Variants in PCDHGA4 observed in about 807,000 individuals in gnomAD.
PCDHGA4 encodes the protein protocadherin gamma subfamily A, 4.
A neutral mutation model predicts 54.6 loss-of-function variants in PCDHGA4; 38 were observed. The observed-to-expected ratio is 0.70, with a 90% CI of 0.54 to 0.91. The LOEUF (loss-of-function observed/expected upper bound fraction) is 0.91, where lower values mean the gene tolerates loss of function less well. PCDHGA4 is among the 40% of genes least tolerant of loss of function. The pLI is 0.00. For missense variants in PCDHGA4, 1,298 were observed against 1,220.9 expected (o/e 1.06, Z -0.94); for synonymous variants, 511 against 512.9 (o/e 1.00, Z 0.05).
chr5:141,376,908 C>T, intron 1 of PCDHGA4: 1 of 187,054 alleles, frequency 5.3e-6, no homozygotes, highest in Non-Finnish European at 1.1e-5. Flanking sequence ...AGGATGGTCT[C>T]GATCTCCTGA....
At chr5:141,399,231 T>C in intron 1 of PCDHGA4, 1 of 1,613,942 alleles carries the variant, frequency 6.2e-7, no homozygotes, top group Non-Finnish European at 8.5e-7. Flanking sequence ...TCAAAATACA[T>C]GACCAAGATT....
chr5:141,405,187 GGTTCGAGCTT>G (rs2094622612), intron 1 of PCDHGA4: 1 of 1,613,360 alleles, frequency 6.2e-7, no homozygotes, highest in African/African-American at 1.3e-5. Context: ...GTGTAGATGG[GGTTCGAGCTT>G]TCCTACAGAC....
rs1424346887 is a variant in PCDHGA4, at chr5:141,489,602, T to C, written c.2515-5205T>C. ...CCCCTGGAGCTAATCCGTGTAGAGG[T>C]AGAGATCCTGGATCTCAATGACAAC... On this transcript the variant is annotated intron_variant, in intron 1 of 3. Coordinates refer to ENST00000571252, the MANE Select transcript of PCDHGA4 (RefSeq NM_018917.4). The surrounding 1 kb of genome is among the most constrained non-coding windows in gnomAD (Gnocchi z 4.5). The C allele has an allele frequency of 5.6e-6, 9 of 1,613,754 alleles. No homozygotes were observed. In the African/African-American group the frequency reaches 6.7e-5, roughly 12 times the overall value.
At chr5:141,503,802 G>A (rs2099831646) in intron 2 of PCDHGA4, among the ~76,000 whole-genome samples, 1 of 151,998 alleles carries the variant, frequency 6.6e-6, no homozygotes, top group South Asian at 2.1e-4. Context: ...CTTAGGGACG[G>A]GGAATCCCAG....
At chr5:141,497,839 A>G (rs1399696596) in intron 2 of PCDHGA4, among the ~76,000 whole-genome samples, 1 of 152,044 alleles carries the variant, frequency 6.6e-6, no homozygotes, top group East Asian at 1.9e-4. Flanking sequence ...CCCGGCCACA[A>G]CAAACATTTT....
At position 141,376,090 on chromosome 5, in the gene PCDHGA4, C is replaced by G. The variant is rs372887480; in HGVS notation, c.2514+18469C>G. ...CCGTGGCCGTGGCCGACAGGATCCC[C>G]GACATCCTGGCCGACCTGGGCAGCC... On this transcript the variant is annotated intron_variant, in intron 1 of 3. Coordinates refer to ENST00000571252, the MANE Select transcript of PCDHGA4 (RefSeq NM_018917.4). 107 of 1,613,674 alleles carry G rather than the reference C, an allele frequency of 6.6e-5. No homozygotes were observed. In the African/African-American group the frequency reaches 1.2e-3, roughly 18 times the overall value.
chr5:141,501,441 A>G (rs547792017), intron 2 of PCDHGA4, among the ~76,000 whole-genome samples: 1 of 151,898 alleles, frequency 6.6e-6, no homozygotes, highest in African/African-American at 2.4e-5. Context: ...CATTTCTTCC[A>G]TTTTTACTTT....
intron 1 of PCDHGA4, among the ~76,000 whole-genome samples, chr5:141,466,790 A>C (rs1240777427): frequency 2.0e-5 from 3 of 152,210 alleles, no homozygotes; most frequent in Non-Finnish European, 2.9e-5. Context: ...TTAGTGCCTC[A>C]AACTAGATCC....
In PCDHGA4 at chr5:141,402,956, G is replaced by A. The variant is rs1276206622; in HGVS notation, c.2514+45335G>A. Reference sequence around the variant, plus strand: ...AAAATTCCAAAGCGAGGCAGCAATGGCAGCTCCAACCAAATGCCAGCTCCG... The same window carrying A: ...AAAATTCCAAAGCGAGGCAGCAATGACAGCTCCAACCAAATGCCAGCTCCG... On this transcript the variant is annotated intron_variant, in intron 1 of 3. Coordinates refer to ENST00000571252, the MANE Select transcript of PCDHGA4 (RefSeq NM_018917.4). 1.2e-6 allele frequency: 2 copies of A among 1,601,842 alleles called. No individual in the cohort carries two copies. The highest frequency in any genetic ancestry group is 2.7e-5 in the African/African-American group (2 of 74,454).
chr5:141,485,735 G>C lies in PCDHGA4; in HGVS notation c.2515-9072G>C, dbSNP rs1562107417. ...ACTGGATGTGAAGAAGCGCAGCGAC[G>C]GCAGCCTGGTCCCAGAGCTGCTCCT... is the stretch of plus-strand genomic sequence containing the variant. On this transcript the variant is annotated intron_variant, in intron 1 of 3. Coordinates refer to ENST00000571252, the MANE Select transcript of PCDHGA4 (RefSeq NM_018917.4). This position sits in a 1 kb window ranked among gnomAD's most constrained non-coding sequence, Gnocchi z 5.7. 2.5e-6 allele frequency: 4 copies of C among 1,614,048 alleles called. No individual in the cohort carries two copies. The highest frequency in any genetic ancestry group is 3.4e-6 in the Non-Finnish European group (4 of 1,180,044).
rs1326296096 is a variant in PCDHGA4, at chr5:141,505,460, A to G, written c.2641A>G (p.Met881Val). The change falls in exon 3 of 4, where the codon ATG becomes GTG. Residue 881 changes from methionine to valine, a missense_variant. Transcript: ENST00000571252. Reference protein sequence around the residue: ...NQFDTEMLQAMILASASEAAD... With the variant: ...NQFDTEMLQAVILASASEAAD... ...GTTTGACACAGAGATGCTGCAAGCC[A>G]TGATCTTGGCGTCCGCCAGTGGTAA... 2 of 1,614,070 alleles carry G rather than the reference A, an allele frequency of 1.2e-6. No homozygotes were observed. The highest frequency in any genetic ancestry group is 1.3e-5 in the African/African-American group (1 of 74,942).
intron 1 of PCDHGA4, chr5:141,371,816 C>T: frequency 6.2e-7 from 1 of 1,613,888 alleles, no homozygotes; most frequent in Non-Finnish European, 8.5e-7. Context: ...TTGCGCATGT[C>T]AGAGCCTCGG....
In PCDHGA4 at chr5:141,388,074, C is replaced by T. The variant is rs770542956; in HGVS notation, c.2514+30453C>T. 1.6e-5 allele frequency: 22 copies of T among 1,363,892 alleles called. No homozygotes were observed. In the South Asian group the frequency reaches 2.8e-4, roughly 17 times the overall value. 84.5% of individuals were successfully genotyped at this position (1,363,892 alleles called of 1,614,324 possible). On this transcript the variant is annotated intron_variant, in intron 1 of 3. Transcript: ENST00000571252. ...GTTCAGCGTCCAGGAGTTACCGACT[C>T]GAAAACTGCGCGTCAGTTCGGAGAA...
intron 2 of PCDHGA4, among the ~76,000 whole-genome samples, chr5:141,495,834 C>T (rs1366861675): frequency 6.6e-6 from 1 of 152,198 alleles, no homozygotes; most frequent in African/African-American, 2.4e-5. Context: ...CTATCCCCAG[C>T]CTCTATGTTT....
chr5:141,357,752 T>C (rs1760725743), intron 1 of PCDHGA4, 131 bp downstream of exon 1: 3 of 1,127,116 alleles, frequency 2.7e-6, no homozygotes, highest in Non-Finnish European at 3.7e-6. Context: ...TAAAGAAAAC[T>C]GGTGGATGAC....
rs539038497 is a variant in PCDHGA4 at position 141,420,464 on chromosome 5, C to T, written c.2514+62843C>T. 2.0e-4 allele frequency: 164 copies of T among 801,490 alleles called. 1 individual carries two copies. In the South Asian group the frequency reaches 6.4e-3, roughly 31 times the overall value. 49.6% of individuals were successfully genotyped at this position (801,490 alleles called of 1,614,324 possible). ...CCTCAGTCTTCCTACTATTCAAAGA[C>T]ATTTTAAAGCAAACTACATGGGTAA... On this transcript the variant is annotated intron_variant, in intron 1 of 3. Transcript: ENST00000571252.
At chr5:141,364,538 G>A in intron 1 of PCDHGA4, 1 of 1,614,118 alleles carries the variant, frequency 6.2e-7, no homozygotes, top group South Asian at 1.1e-5. Flanking sequence ...CGTCTCCAGA[G>A]GTAGGACGCA....
intron 1 of PCDHGA4, chr5:141,382,975 G>C (rs1459980689): frequency 6.2e-7 from 1 of 1,610,700 alleles, no homozygotes; most frequent in Non-Finnish European, 8.5e-7. Context: ...CCCCTGGGAA[G>C]CCTGGGCAGG....
intron 1 of PCDHGA4, chr5:141,389,691 T>G: frequency 6.2e-7 from 1 of 1,612,564 alleles, no homozygotes; most frequent in Non-Finnish European, 8.5e-7. Context: ...CGCCTGGCTG[T>G]CCTACCACGT....
Sources: allele counts gnomAD v4.1 joint callset (sites outside exome capture counted in the v4.1 genomes callset), GRCh38; gene constraint gnomAD v4.1.1; non-coding constraint Gnocchi (gnomAD v3.1); transcripts MANE v1.5; gene names NCBI Gene and HGNC (gene_info 2026-07-23, HGNC 2026-07-21).